The following LRRC4C variants were observed in gnomAD, a reference collection of about 807,000 sequenced individuals.
LRRC4C encodes leucine rich repeat containing 4C.
LRRC4C carries 5 observed loss-of-function variants against 33.6 expected under a neutral mutation model. That is an observed-to-expected ratio of 0.15 (90% CI 0.08 to 0.31). The LOEUF is 0.31. LRRC4C is among the 10% of genes least tolerant of loss of function. The probability of loss-of-function intolerance (pLI) is 1.00; values close to 1 mark genes in which losing one functional copy is unlikely to be tolerated. For missense variants in LRRC4C, 560 were observed against 796.7 expected, an observed-to-expected ratio of 0.70 and a Z score of 3.58; for synonymous variants, 329 against 302.0, an observed-to-expected ratio of 1.09 and a Z score of -0.93.
chr11:40,695,561 T>C (rs1591485681), intron 2 of LRRC4C, among the ~76,000 whole-genome samples: 1 of 152,172 alleles, frequency 6.6e-6, no homozygotes, highest in Non-Finnish European at 1.5e-5. Context: ...ATCTTACAGT[T>C]CTGGAGGTCA....
At chr11:40,788,116 C>T (rs2137346751) in intron 2 of LRRC4C, among the ~76,000 whole-genome samples, 1 of 152,158 alleles carries the variant, frequency 6.6e-6, no homozygotes, top group South Asian at 2.1e-4. Flanking sequence ...TCACATCTAC[C>T]CAGTGACAGA....
chr11:41,195,305 C>T lies in LRRC4C; in HGVS notation c.-495-261582G>A, dbSNP rs565679077. On this transcript the variant is annotated intron_variant, in intron 1 of 6. Transcript: ENST00000528697. ...GATAATTTCATGAATTCTGACTTTA[C>T]CAAATATAAACTAATAGATAATCAC... Among the ~76,000 whole-genome samples, 17 of 152,046 alleles carry T rather than the reference C, an allele frequency of 1.1e-4. No homozygotes were observed. In the South Asian group the frequency reaches 3.3e-3, roughly 30 times the overall value.
chr11:40,728,322 T>C (rs1564983320), intron 2 of LRRC4C, among the ~76,000 whole-genome samples: 2 of 151,924 alleles, frequency 1.3e-5, no homozygotes, highest in Admixed American at 6.6e-5. Context: ...AGAAATCATT[T>C]TGGCCGGGCG....
At chr11:40,401,959 T>C (rs2137551554) in intron 3 of LRRC4C, among the ~76,000 whole-genome samples, 1 of 152,148 alleles carries the variant, frequency 6.6e-6, no homozygotes, top group Admixed American at 6.6e-5. Flanking sequence ...CTCTGTGGTC[T>C]TCAGACAAAA....
intron 2 of LRRC4C, among the ~76,000 whole-genome samples, chr11:40,661,714 T>C (rs1032731925): frequency 6.6e-6 from 1 of 152,248 alleles, no homozygotes; most frequent in Non-Finnish European, 1.5e-5. Context: ...CCATTAATGG[T>C]AGCTATTATT....
At chr11:40,732,712 CTAGT>C (rs1203985486) in intron 2 of LRRC4C, among the ~76,000 whole-genome samples, 1 of 152,146 alleles carries the variant, frequency 6.6e-6, no homozygotes, top group Non-Finnish European at 1.5e-5. Flanking sequence ...CAAAAACTAA[CTAGT>C]TATTTAATCT....
At chr11:40,438,951 GAC>G (rs1951264087) in intron 3 of LRRC4C, among the ~76,000 whole-genome samples, 1 of 110,654 alleles carries the variant, frequency 9.0e-6, no homozygotes, top group Non-Finnish European at 1.7e-5. Flanking sequence ...TTTTTTTTGA[GAC>G]AGAGTCTCAC....
intron 2 of LRRC4C, among the ~76,000 whole-genome samples, chr11:40,850,441 G>C (rs1458056854): frequency 1.3e-5 from 2 of 152,290 alleles, no homozygotes; most frequent in Non-Finnish European, 2.9e-5. Context: ...TCCAGATCCT[G>C]TTTACCTGGG....
chr11:41,360,511 A>G (rs138419557), intron 1 of LRRC4C, among the ~76,000 whole-genome samples: 1 of 152,320 alleles, frequency 6.6e-6, no homozygotes, highest in African/African-American at 2.4e-5. Context: ...ATGAGCTACA[A>G]TGGAATAGCA....
chr11:41,268,677 C>T (rs1042823604), intron 1 of LRRC4C, among the ~76,000 whole-genome samples: 2 of 151,964 alleles, frequency 1.3e-5, no homozygotes, highest in African/African-American at 2.4e-5. Context: ...AATATTACTT[C>T]CAATATATAC....
At chr11:40,967,876 A>G (rs544944222) in intron 1 of LRRC4C, among the ~76,000 whole-genome samples, 24 of 151,842 alleles carry the variant, frequency 1.6e-4, no homozygotes, top group Non-Finnish European at 3.4e-4. Flanking sequence ...CCTAATTTCA[A>G]CAATATTAAA....
chr11:40,650,415 A>G (rs1942723504), intron 2 of LRRC4C, among the ~76,000 whole-genome samples: 1 of 152,168 alleles, frequency 6.6e-6, no homozygotes. Flanking sequence ...CTTTCCTAAC[A>G]AGGAAAGTAA....
At chr11:40,548,786 C>A (rs1957024318) in intron 3 of LRRC4C, among the ~76,000 whole-genome samples, 1 of 152,058 alleles carries the variant, frequency 6.6e-6, no homozygotes, top group Non-Finnish European at 1.5e-5. Flanking sequence ...TTGCATTTTA[C>A]AACAACCCTA....
chr11:40,535,758 A>G (rs1022873732), intron 3 of LRRC4C, among the ~76,000 whole-genome samples: 1 of 152,240 alleles, frequency 6.6e-6, no homozygotes, highest in Non-Finnish European at 1.5e-5. Flanking sequence ...AGGTTAAAAC[A>G]TAGTTCTCCT....
intron 1 of LRRC4C, among the ~76,000 whole-genome samples, chr11:41,414,987 C>G (rs1164991116): frequency 6.6e-6 from 1 of 152,080 alleles, no homozygotes; most frequent in African/African-American, 2.4e-5. Context: ...AAGCACTTTA[C>G]AAACATGAAG....
chr11:40,384,841 A>G (rs1009764587), intron 3 of LRRC4C, among the ~76,000 whole-genome samples: 2 of 152,036 alleles, frequency 1.3e-5, no homozygotes, highest in African/African-American at 4.8e-5. Flanking sequence ...TGGGTAATTC[A>G]TTACCTTCTA....
intron 2 of LRRC4C, among the ~76,000 whole-genome samples, chr11:40,872,527 C>T (rs539159086): frequency 3.2e-4 from 48 of 152,098 alleles, no homozygotes; most frequent in South Asian, 8.3e-4. Flanking sequence ...GAATAATTTT[C>T]GACTCTATGT....
At chr11:40,997,467 T>C (rs754683940) in intron 1 of LRRC4C, among the ~76,000 whole-genome samples, 38 of 152,144 alleles carry the variant, frequency 2.5e-4, no homozygotes, top group Admixed American at 6.6e-4. Flanking sequence ...ATAAGTGATC[T>C]TTTTCAGAGC....
intron 1 of LRRC4C, among the ~76,000 whole-genome samples, chr11:41,381,579 A>T (rs1269059085): frequency 1.3e-5 from 2 of 150,906 alleles, no homozygotes; most frequent in Non-Finnish European, 2.9e-5. Context: ...GTGAGCCAAG[A>T]TTGCGCCACT....
Sources: allele counts gnomAD v4.1 joint callset (sites outside exome capture counted in the v4.1 genomes callset), GRCh38; gene constraint gnomAD v4.1.1; transcripts MANE v1.5; gene names NCBI Gene and HGNC (gene_info 2026-07-23, HGNC 2026-07-21).